The following UXS1 variants were observed in gnomAD, a reference collection of about 807,000 sequenced individuals.
The protein encoded by UXS1 is UDP-glucuronate decarboxylase 1, also known as UDP-glucuronic acid decarboxylase 1.
UXS1 carries 33 observed loss-of-function variants against 62.6 expected under a neutral mutation model. The observed-to-expected ratio is 0.53, with a 90% CI of 0.40 to 0.70. The LOEUF (loss-of-function observed/expected upper bound fraction) is 0.70. Ranked by LOEUF, UXS1 falls within the 30% of genes least tolerant of loss-of-function variation. UXS1 has a pLI of 0.00. For synonymous variants in UXS1, 213 were observed against 206.8 expected (o/e 1.03, Z -0.26); for missense variants, 434 against 556.3 (o/e 0.78, Z 2.21).
intron 1 of UXS1, among the ~76,000 whole-genome samples, chr2:106,177,516 G>A (rs1167076091): frequency 6.6e-6 from 1 of 152,146 alleles, no homozygotes; most frequent in Non-Finnish European, 1.5e-5. Context: ...CATTTTTAAA[G>A]CTATTCATGT....
intron 5 of UXS1, among the ~76,000 whole-genome samples, chr2:106,151,838 G>C (rs1322152139): frequency 6.6e-6 from 1 of 152,240 alleles, no homozygotes; most frequent in African/African-American, 2.4e-5. Flanking sequence ...CACAGCGAGA[G>C]TTATGTAAGC....
intron 1 of UXS1, among the ~76,000 whole-genome samples, chr2:106,183,985 A>G: frequency 6.6e-6 from 1 of 152,140 alleles, no homozygotes; most frequent in East Asian, 1.9e-4. Flanking sequence ...TGAGGTCGGG[A>G]GTTCGAGACC....
intron 14 of UXS1, 96 bp from the exon 15 acceptor site, chr2:106,094,253 T>TTGCAGGAAGGAAGTGCCACCC: frequency 1.3e-6 from 2 of 1,502,210 alleles, no homozygotes; most frequent in South Asian, 2.4e-5. Context: ...AAGTGCCACC[T>TTGCAGGAAGGAAGTGCCACCC]TGCAGCCAGT....
rs550604629 is a variant in UXS1, at chr2:106,181,627, G to A, written c.94+12521C>T. ...TCCTACTCAGGAGACTGAGGCACCA[G>A]AATCACTTGAGCTTAGGAGGGCAGG... On this transcript the variant is annotated intron_variant, in intron 1 of 14. Transcript: ENST00000283148. Among the ~76,000 whole-genome samples, 19 of 152,272 alleles carry A rather than the reference G, an allele frequency of 1.2e-4. No individual in the cohort carries two copies. The East Asian group carries it at 3.7e-3, about 29-fold the overall frequency.
At chr2:106,138,740 T>C in intron 6 of UXS1, 1 of 985,422 alleles carries the variant, frequency 1.0e-6, no homozygotes, top group Non-Finnish European at 1.2e-6. Flanking sequence ...GTCGAGACGT[T>C]CAGTTAAGTA....
intron 1 of UXS1, among the ~76,000 whole-genome samples, chr2:106,189,667 G>A (rs569476472): frequency 6.6e-6 from 1 of 152,312 alleles, no homozygotes; most frequent in East Asian, 1.9e-4. Flanking sequence ...GGCGAGCACT[G>A]ACAACTAGAC....
intron 6 of UXS1, among the ~76,000 whole-genome samples, chr2:106,139,307 G>A (rs1270102033): frequency 6.6e-6 from 1 of 152,164 alleles, no homozygotes; most frequent in Non-Finnish European, 1.5e-5. Flanking sequence ...CTCAAGAAAT[G>A]AGCCTAAAAG....
intron 1 of UXS1, among the ~76,000 whole-genome samples, chr2:106,193,705 G>A (rs552654403): frequency 1.3e-5 from 2 of 152,328 alleles, no homozygotes; most frequent in South Asian, 4.1e-4. Flanking sequence ...CGGGGGCTCT[G>A]CCAATGGCCA....
In UXS1 at chr2:106,149,950, T is replaced by C. The variant is rs147332420; in HGVS notation, c.292-4580A>G. Among the ~76,000 whole-genome samples, 230 of 152,220 alleles carry C rather than the reference T, an allele frequency of 1.5e-3. 6 individuals carry two copies. In the East Asian group the frequency reaches 0.031, roughly 20 times the overall value. On this transcript the variant is annotated intron_variant, in intron 5 of 14. Coordinates refer to ENST00000283148, the MANE Select transcript of UXS1 (RefSeq NM_001253875.2). ...AGAACAATTGTGGAAATATGGACAGTAAAGGCCATTCTGATGAGGTCTCAG... is the reference window on the plus strand; with the variant it reads ...AGAACAATTGTGGAAATATGGACAGCAAAGGCCATTCTGATGAGGTCTCAG...
intron 1 of UXS1, among the ~76,000 whole-genome samples, chr2:106,175,717 C>T (rs1039300328): frequency 5.3e-5 from 8 of 152,158 alleles, no homozygotes; most frequent in African/African-American, 1.9e-4. Context: ...TGAGTCTGTC[C>T]TCAAGGTCCA....
At chr2:106,171,888 T>C (rs916464247) in intron 1 of UXS1, among the ~76,000 whole-genome samples, 1 of 152,240 alleles carries the variant, frequency 6.6e-6, no homozygotes, top group Admixed American at 6.5e-5. Context: ...GTTATCTATG[T>C]AACACTGTAT....
chr2:106,119,320 A>C lies in UXS1; in HGVS notation c.759+3650T>G, dbSNP rs1679329228. Among the ~76,000 whole-genome samples, 2 of 152,100 alleles carry C rather than the reference A, an allele frequency of 1.3e-5. 1 individual carries two copies. The highest frequency in any genetic ancestry group is 4.1e-4 in the South Asian group (2 of 4,822). ...GCAGGGACAGCCAGGGAGTGTGGGG[A>C]GGAGCAGGCCCCACAGGTAGCCAGC... is the stretch of plus-strand genomic sequence containing the variant. On this transcript the variant is annotated intron_variant, in intron 9 of 14. Transcript: ENST00000283148.
At chr2:106,191,739 G>A (rs1247473361) in intron 1 of UXS1, among the ~76,000 whole-genome samples, 1 of 152,202 alleles carries the variant, frequency 6.6e-6, no homozygotes, top group Non-Finnish European at 1.5e-5. Flanking sequence ...CCTAGAACAC[G>A]CTCTCTCCTA....
intron 6 of UXS1, among the ~76,000 whole-genome samples, chr2:106,137,128 G>GA (rs1350930549): frequency 1.3e-5 from 2 of 152,090 alleles, no homozygotes; most frequent in Non-Finnish European, 2.9e-5. Flanking sequence ...AGTTCGCTGA[G>GA]AGGATCTGTC....
chr2:106,114,698 C>T (rs1406260990), intron 9 of UXS1, among the ~76,000 whole-genome samples: 2 of 152,178 alleles, frequency 1.3e-5, no homozygotes, highest in Non-Finnish European at 2.9e-5. Context: ...GTGTCCAACC[C>T]ATAAACAGGC....
At chr2:106,192,621 A>C (rs116402066) in intron 1 of UXS1, among the ~76,000 whole-genome samples, 3,751 of 151,524 alleles carry the variant, frequency 0.025, 63 homozygotes, top group Admixed American at 0.054. Flanking sequence ...AAACCCTTGC[A>C]GCGACTATAG....
chr2:106,172,747 G>A (rs148098312), intron 1 of UXS1, among the ~76,000 whole-genome samples: 1 of 152,298 alleles, frequency 6.6e-6, no homozygotes, highest in African/African-American at 2.4e-5. Context: ...TGGCGAGGGA[G>A]GAGGACCTCT....
chr2:106,188,324 G>A (rs774066244), intron 1 of UXS1, among the ~76,000 whole-genome samples: 1 of 152,194 alleles, frequency 6.6e-6, no homozygotes, highest in Non-Finnish European at 1.5e-5. Context: ...CATGGAGAGG[G>A]CACGGACGTG....
chr2:106,164,502 G>T (rs1210506606), intron 3 of UXS1, among the ~76,000 whole-genome samples: 2 of 152,176 alleles, frequency 1.3e-5, no homozygotes, highest in Admixed American at 6.6e-5. Flanking sequence ...GAAAAGTCAT[G>T]TAAAAGTCTA....
Sources: gnomAD v4.1 joint callset for allele counts (sites outside exome capture counted in the v4.1 genomes callset) on GRCh38, gnomAD v4.1.1 for gene constraint, MANE v1.5 for transcripts, NCBI Gene and HGNC (gene_info 2026-07-23, HGNC 2026-07-21) for gene names.